FAM117A: variants seen among roughly 807,000 people sequenced by gnomAD.
FAM117A encodes the protein family with sequence similarity 117 member A.
Under a neutral mutation model 44.1 loss-of-function variants are expected in FAM117A, and 21 were observed. That is an observed-to-expected ratio of 0.48 (90% CI 0.34 to 0.69). The LOEUF is 0.69. FAM117A is among the 30% of genes least tolerant of loss of function. The probability of loss-of-function intolerance (pLI) is 0.01; values close to 1 mark genes in which losing one functional copy is unlikely to be tolerated. For missense variants in FAM117A, 498 were observed against 589.9 expected (o/e 0.84, Z 1.61); for synonymous variants, 220 against 238.3 (o/e 0.92, Z 0.71).
chr17:49,752,257 C>T (rs2073680621), intron 1 of FAM117A, among the ~76,000 whole-genome samples: 1 of 152,188 alleles, frequency 6.6e-6, no homozygotes, highest in Admixed American at 6.5e-5. Context: ...TTACTGGGCA[C>T]ATGCCTGTCT....
At chr17:49,750,452 C>G (rs2073671835) in intron 1 of FAM117A, among the ~76,000 whole-genome samples, 1 of 148,768 alleles carries the variant, frequency 6.7e-6, no homozygotes, top group Non-Finnish European at 1.5e-5. Context: ...ATGCAAACAG[C>G]AAGCACTCAG....
intron 1 of FAM117A, among the ~76,000 whole-genome samples, chr17:49,757,068 G>A (rs1331321304): frequency 6.6e-6 from 1 of 152,146 alleles, no homozygotes; most frequent in African/African-American, 2.4e-5. Context: ...AGCTGCTTCA[G>A]AGCAACCAAA....
intron 1 of FAM117A, among the ~76,000 whole-genome samples, chr17:49,755,052 A>G (rs1034042445): frequency 1.1e-4 from 16 of 151,824 alleles, no homozygotes. Flanking sequence ...AAAAAAAAAA[A>G]AAAAAAAAGC....
At chr17:49,771,349 G>A (rs1216659106) in intron 1 of FAM117A, among the ~76,000 whole-genome samples, 1 of 152,168 alleles carries the variant, frequency 6.6e-6, no homozygotes, top group Non-Finnish European at 1.5e-5. Context: ...TGATGTGTGG[G>A]AGACCCTGCT....
At chr17:49,768,233 C>T (rs2073750903), upstream of FAM117A, among the ~76,000 whole-genome samples, 1 of 152,116 alleles carries the variant, frequency 6.6e-6, no homozygotes, top group African/African-American at 2.4e-5. Flanking sequence ...AAGCCTTACC[C>T]TGCTGGCTAC....
chr17:49,756,615 A>G (rs1360741509), intron 1 of FAM117A, among the ~76,000 whole-genome samples: 2 of 151,844 alleles, frequency 1.3e-5, no homozygotes, highest in Non-Finnish European at 2.9e-5. Context: ...TCTCTCAAAA[A>G]AAAAAAAAAA....
chr17:49,752,222 A>G (rs752161544), intron 1 of FAM117A, among the ~76,000 whole-genome samples: 11 of 152,174 alleles, frequency 7.2e-5, no homozygotes, highest in Non-Finnish European at 1.3e-4. Flanking sequence ...GCTTTCTCCC[A>G]GAGTTTAAGG....
intron 1 of FAM117A, among the ~76,000 whole-genome samples, chr17:49,778,303 T>C (rs956937694): frequency 6.6e-6 from 1 of 152,226 alleles, no homozygotes; most frequent in Non-Finnish European, 1.5e-5. Flanking sequence ...GTGCCAGGCA[T>C]CATGCTAGGT....
chr17:49,760,997 CG>C (rs965458827), intron 1 of FAM117A, among the ~76,000 whole-genome samples: 2 of 152,172 alleles, frequency 1.3e-5, no homozygotes, highest in African/African-American at 4.8e-5. Flanking sequence ...CCTCATTTTA[CG>C]AAGACATACC....
At chr17:49,770,829 G>A (rs2073758965) in intron 1 of FAM117A, among the ~76,000 whole-genome samples, 1 of 152,114 alleles carries the variant, frequency 6.6e-6, no homozygotes, top group South Asian at 2.1e-4. Context: ...TGTTGAGCCT[G>A]GGAGGTGGAG....
chr17:49,749,362 G>T (rs2073666415), intron 1 of FAM117A, among the ~76,000 whole-genome samples: 1 of 151,936 alleles, frequency 6.6e-6, no homozygotes, highest in Non-Finnish European at 1.5e-5. Flanking sequence ...GGATCACAAG[G>T]TCAGGAGATC....
intron 1 of FAM117A, 110 bp downstream of exon 1, chr17:49,763,782 T>G: frequency 2.9e-6 from 1 of 341,170 alleles, no homozygotes; most frequent in East Asian, 9.3e-5. Context: ...TTCTCTTCCC[T>G]CGCCCCCATC....
At chr17:49,788,823 C>T, upstream of FAM117A, 1 of 1,583,668 alleles carries the variant, frequency 6.3e-7, no homozygotes, top group East Asian at 2.4e-5. Context: ...CGTCGGGCCG[C>T]AGCCGCCGGC....
chr17:49,781,714 G>A (rs2073789862), intron 1 of FAM117A, among the ~76,000 whole-genome samples: 1 of 152,154 alleles, frequency 6.6e-6, no homozygotes, highest in Non-Finnish European at 1.5e-5. Context: ...CAGTGGCTCA[G>A]GCTTGTAATC....
chr17:49,726,316 G>A (rs548591331), intron 2 of FAM117A, among the ~76,000 whole-genome samples: 2 of 152,118 alleles, frequency 1.3e-5, no homozygotes, highest in South Asian at 2.1e-4. Context: ...GGGTTCAAGC[G>A]ATTATCCTGC....
chr17:49,733,003 G>T, intron 1 of FAM117A: 1 of 342,030 alleles, frequency 2.9e-6, no homozygotes, highest in Non-Finnish European at 5.5e-6. Context: ...GCTCCTAATG[G>T]ACTATGAACC....
chr17:49,766,075 T>C (rs1598036089), upstream of FAM117A, among the ~76,000 whole-genome samples: 1 of 152,120 alleles, frequency 6.6e-6, no homozygotes. Flanking sequence ...ACATGTTAAG[T>C]ACCATGCATA....
chr17:49,731,172 T>C (rs1305401061), intron 2 of FAM117A, among the ~76,000 whole-genome samples: 1 of 152,238 alleles, frequency 6.6e-6, no homozygotes, highest in African/African-American at 2.4e-5. Context: ...CATGTGTCAT[T>C]TGGCCATCAT....
At chr17:49,776,582 A>AT (rs2073776168) in intron 1 of FAM117A, among the ~76,000 whole-genome samples, 1 of 152,156 alleles carries the variant, frequency 6.6e-6, no homozygotes, top group Admixed American at 6.5e-5. Context: ...ATTTACTATT[A>AT]TGTCTCTGCC....
Sources: gnomAD v4.1 joint callset for allele counts (sites outside exome capture counted in the v4.1 genomes callset) on GRCh38, gnomAD v4.1.1 for gene constraint, MANE v1.5 for transcripts, NCBI Gene and HGNC (gene_info 2026-07-23, HGNC 2026-07-21) for gene names.